CDH3: variants seen among roughly 807,000 people sequenced by gnomAD.
CDH3 encodes the protein cadherin-3.
CDH3 carries 54 observed loss-of-function variants against 82.0 expected under a neutral mutation model. The ratio of observed to expected loss-of-function variants is 0.66; its 90% CI spans 0.53 to 0.83. The LOEUF (loss-of-function observed/expected upper bound fraction) is 0.83. CDH3 is among the 40% of genes least tolerant of loss of function. The pLI is 0.00. For missense variants in CDH3, 1,054 were observed against 1,084.6 expected (o/e 0.97, Z 0.40); for synonymous variants, 446 against 437.9 (o/e 1.02, Z -0.23).
chr16:68,663,706 G>T (rs1204596488), intron 2 of CDH3, among the ~76,000 whole-genome samples: 2 of 152,042 alleles, frequency 1.3e-5, no homozygotes, highest in Non-Finnish European at 2.9e-5. Context: ...TGATAGTCTG[G>T]GAAGGGAAGC....
chr16:68,698,983 G>A lies in CDH3; in HGVS notation c.*583G>A, dbSNP rs1961832514. 1 of 154,812 alleles carries A rather than the reference G, an allele frequency of 6.5e-6. No individual in the cohort carries two copies. Among genetic ancestry groups the A allele is most frequent in the East Asian group, 1.9e-4 (1 of 5,364 alleles). The allele number at this position is 154,812 out of a possible 1,614,324, so 9.6% of individuals were successfully genotyped here. ...CCTGTTGCGTTGCTATAGATGAAGG[G>A]TGAGGACAATCGTGTATATGTACTA... On this transcript the variant is annotated 3_prime_UTR_variant, in exon 16 of 16. Coordinates refer to ENST00000264012, the MANE Select transcript of CDH3 (RefSeq NM_001793.6).
At chr16:68,698,049 G>T (rs1248159098) in intron 15 of CDH3, 142 bp from the exon 16 acceptor site, 8 of 786,904 alleles carry the variant, frequency 1.0e-5, no homozygotes, top group Non-Finnish European at 1.8e-5. Context: ...AATGAATTCT[G>T]CATGAATAAC....
chr16:68,729,897 G>T (rs147276401), downstream of CDH3, among the ~76,000 whole-genome samples: 2,059 of 152,116 alleles, frequency 0.014, 45 homozygotes, highest in African/African-American at 0.047. Flanking sequence ...ACCTCCTAAA[G>T]TGCTGGGACT....
chr16:68,646,730 C>A (rs188188414), intron 2 of CDH3, among the ~76,000 whole-genome samples: 1 of 152,102 alleles, frequency 6.6e-6, no homozygotes. Flanking sequence ...AGGATCCTTA[C>A]ACTGAAATTT....
intron 1 of CDH3, among the ~76,000 whole-genome samples, chr16:68,716,895 CTT>C (rs1416223774): frequency 1.5e-4 from 20 of 135,794 alleles, no homozygotes; most frequent in Admixed American, 1.5e-4. Flanking sequence ...AGATTTTTTT[CTT>C]TTTTTTTTTT....
At chr16:68,682,261 C>G in intron 8 of CDH3, 41 bp from the exon 9 acceptor site, 1 of 1,598,290 alleles carries the variant, frequency 6.3e-7, no homozygotes, top group Non-Finnish European at 8.5e-7. Flanking sequence ...GTAGGACAGT[C>G]ATTCTCTGCT....
At chr16:68,670,459 G>A (rs552441661) in intron 2 of CDH3, among the ~76,000 whole-genome samples, 2 of 152,104 alleles carry the variant, frequency 1.3e-5, no homozygotes, top group South Asian at 2.1e-4. Flanking sequence ...ACACATTCCC[G>A]GTTGGGGTTT....
intron 15 of CDH3, among the ~76,000 whole-genome samples, chr16:68,697,485 C>T (rs541740876): frequency 6.6e-5 from 10 of 152,256 alleles, no homozygotes; most frequent in East Asian, 3.9e-4. Flanking sequence ...AAGGATTGAA[C>T]GAGCAGGCAG....
chr16:68,717,700 G>T (rs930695663), intron 1 of CDH3, among the ~76,000 whole-genome samples: 2 of 151,882 alleles, frequency 1.3e-5, no homozygotes, highest in African/African-American at 4.8e-5. Flanking sequence ...TTGAACCTGG[G>T]AGTTAGACGT....
chr16:68,691,758 C>T lies in CDH3; in HGVS notation c.1834C>T (p.Gln612Ter). ...VVLSLKKFLK[Q>*]DTYDVHLSLS... The stretch of plus-strand genomic sequence containing the variant: ...CTTGTCCCTGAAGAAGTTCCTGAAG[C>T]AGGATACATATGACGTGCACCTTTC... Residue 612 changes from glutamine to a stop codon, truncating the protein, a stop_gained, in exon 13 of 16, where the codon CAG (glutamine) becomes TAG (stop). Transcript: ENST00000264012. LOFTEE classifies it high-confidence loss of function. 6.2e-7 allele frequency: 1 copy of T among 1,614,166 alleles called. No homozygotes were observed. Among genetic ancestry groups the T allele is most frequent in the Non-Finnish European group, 8.5e-7 (1 of 1,180,020 alleles).
Position 68,710,154 on chromosome 16 carries a change from C to T in CDH3, c.100-12271C>T, listed in dbSNP as rs114814596. ...GTGGCAGTATCCCTCCGCCTGCTCCCTCCCTGCCGGGCTGGGTTTGGCACT... is the reference window on the plus strand; with the variant it reads ...GTGGCAGTATCCCTCCGCCTGCTCCTTCCCTGCCGGGCTGGGTTTGGCACT... On this transcript the variant is annotated intron_variant, in intron 1 of 2. Transcript: ENST00000569080. 2.4e-3 allele frequency among the ~76,000 whole-genome samples: 365 copies of T among 152,392 alleles called. 5 individuals are homozygous for T. Among genetic ancestry groups the T allele is most frequent in the African/African-American group, 8.5e-3 (354 of 41,592 alleles).
intron 1 of CDH3, among the ~76,000 whole-genome samples, chr16:68,712,674 C>A (rs537205667): frequency 2.0e-5 from 3 of 151,442 alleles, no homozygotes; most frequent in African/African-American, 4.8e-5. Flanking sequence ...CAGGACCTCT[C>A]AATTCCCAGG....
chr16:68,660,072 T>C (rs1016564302), intron 2 of CDH3, among the ~76,000 whole-genome samples: 4 of 152,052 alleles, frequency 2.6e-5, no homozygotes, highest in Admixed American at 2.0e-4. Flanking sequence ...AACATCAAAA[T>C]TGTGAAGTGT....
chr16:68,647,752 G>T (rs1466740377), intron 2 of CDH3, among the ~76,000 whole-genome samples: 1 of 152,116 alleles, frequency 6.6e-6, no homozygotes, highest in Admixed American at 6.6e-5. Context: ...TTGGTCTTCA[G>T]CTGGCACTTT....
Position 68,645,344 on chromosome 16 carries a change from C to G in CDH3, c.-36C>G, listed in dbSNP as rs373351410. 6.2e-7 allele frequency: 1 copy of G among 1,608,892 alleles called. No individual in the cohort carries two copies. The highest frequency in any genetic ancestry group is 1.7e-5 in the Admixed American group (1 of 59,910). ...AGAGCTGAGCGGAACACCGGCCCGC[C>G]GTCGCGGCAGCTGCTTCACCCCTCT... is the stretch of plus-strand genomic sequence containing the variant. On this transcript the variant is annotated 5_prime_UTR_variant, in exon 1 of 16. Coordinates refer to ENST00000264012, the MANE Select transcript of CDH3 (RefSeq NM_001793.6).
intron 15 of CDH3, among the ~76,000 whole-genome samples, chr16:68,697,912 G>T (rs976179972): frequency 5.3e-5 from 8 of 152,144 alleles, no homozygotes; most frequent in African/African-American, 1.9e-4. Context: ...GTGGTTAAGG[G>T]ACTCGCCCAA....
chr16:68,647,477 T>C (rs543402479), intron 2 of CDH3, among the ~76,000 whole-genome samples: 4 of 152,246 alleles, frequency 2.6e-5, no homozygotes, highest in Admixed American at 2.6e-4. Flanking sequence ...TTTAAACCTT[T>C]AGAGGAAATT....
downstream of CDH3, among the ~76,000 whole-genome samples, chr16:68,731,438 A>ATG (rs1962290573): frequency 6.8e-5 from 1 of 14,804 alleles, no homozygotes; most frequent in Non-Finnish European, 1.7e-4. Flanking sequence ...ATACACATAT[A>ATG]TATACACACA....
rs78340483 is a variant in CDH3 at position 68,717,985 on chromosome 16, T to C, written c.100-4440T>C. On this transcript the variant is annotated intron_variant, in intron 1 of 2. Coordinates refer to the CDH3 transcript ENST00000569080. ...ACTTTTTCTTTTTCCTTTTCTTTTC[T>C]TTTTTTCTTTTTGAGACAGAGTCTC... Among the ~76,000 whole-genome samples, 762 of 151,834 alleles carry C rather than the reference T, an allele frequency of 5.0e-3. 8 individuals carry two copies. Among genetic ancestry groups the C allele is most frequent in the African/African-American group, 0.017 (722 of 41,484 alleles).
Sources: allele counts gnomAD v4.1 joint callset (sites outside exome capture counted in the v4.1 genomes callset), GRCh38; gene constraint gnomAD v4.1.1; transcripts MANE v1.5; gene names NCBI Gene and HGNC (gene_info 2026-07-23, HGNC 2026-07-21).